The following DYNC1I1 variants were observed in gnomAD, a reference collection of about 807,000 sequenced individuals.
DYNC1I1 encodes cytoplasmic dynein 1 intermediate chain 1.
A neutral mutation model predicts 86.6 loss-of-function variants in DYNC1I1; 43 were observed. The observed-to-expected ratio is 0.50, with a 90% CI of 0.39 to 0.64. DYNC1I1 has a LOEUF of 0.64. DYNC1I1 is among the 30% of genes least tolerant of loss of function. DYNC1I1 has a pLI of 0.00. For missense variants in DYNC1I1, 604 were observed against 788.8 expected (o/e 0.77, Z 2.81); for synonymous variants, 262 against 283.7 (o/e 0.92, Z 0.77).
intron 12 of DYNC1I1, among the ~76,000 whole-genome samples, chr7:96,033,563 A>G (rs1794864064): frequency 6.6e-6 from 1 of 152,222 alleles, no homozygotes; most frequent in Non-Finnish European, 1.5e-5. Context: ...AGTCATTGTT[A>G]TAGACTTTGA....
At chr7:95,863,589 C>T (rs1789945731) in intron 5 of DYNC1I1, among the ~76,000 whole-genome samples, 1 of 152,188 alleles carries the variant, frequency 6.6e-6, no homozygotes, top group Non-Finnish European at 1.5e-5. Context: ...CTTTCATAAC[C>T]AGCTCCCCAT....
chr7:96,029,835 C>A (rs1794765298), intron 11 of DYNC1I1, among the ~76,000 whole-genome samples: 1 of 151,556 alleles, frequency 6.6e-6, no homozygotes, highest in Admixed American at 6.6e-5. Flanking sequence ...CGCTTGAAAC[C>A]AGGAGGCAGA....
At chr7:95,996,210 C>T in intron 10 of DYNC1I1, 137 bp downstream of exon 10, 2 of 1,293,524 alleles carry the variant, frequency 1.5e-6, no homozygotes, top group Non-Finnish European at 2.1e-6. Flanking sequence ...GAAAATTCCC[C>T]CACAGTAACC....
chr7:95,780,143 A>G (rs559585340), intron 1 of DYNC1I1, among the ~76,000 whole-genome samples: 1 of 152,268 alleles, frequency 6.6e-6, no homozygotes, highest in East Asian at 1.9e-4. Context: ...TTTTATTCTA[A>G]TGTCCAAAGT....
chr7:96,002,278 T>A (rs1450386194), intron 10 of DYNC1I1, among the ~76,000 whole-genome samples: 1 of 152,206 alleles, frequency 6.6e-6, no homozygotes, highest in Non-Finnish European at 1.5e-5. Context: ...GTTCTTTATA[T>A]TAAAATGCCA....
intron 11 of DYNC1I1, among the ~76,000 whole-genome samples, chr7:96,029,978 TTTG>T (rs555898210): frequency 9.2e-5 from 14 of 151,912 alleles, no homozygotes; most frequent in African/African-American, 1.4e-4. Flanking sequence ...CTTTTGCTGT[TTTG>T]TTGTTGTTGT....
At chr7:96,096,852 A>T (rs1285125039) in intron 16 of DYNC1I1, among the ~76,000 whole-genome samples, 1 of 152,104 alleles carries the variant, frequency 6.6e-6, no homozygotes, top group African/African-American at 2.4e-5. Context: ...TAGGAATGTG[A>T]GGCACAATAG....
At chr7:96,049,977 G>C (rs932240820) in intron 14 of DYNC1I1, among the ~76,000 whole-genome samples, 7 of 150,806 alleles carry the variant, frequency 4.6e-5, no homozygotes, top group Admixed American at 2.6e-4. Flanking sequence ...AGGTTGCAGT[G>C]AGCCGCTGCA....
chr7:95,953,847 C>T (rs1792626479), intron 6 of DYNC1I1, among the ~76,000 whole-genome samples: 1 of 152,146 alleles, frequency 6.6e-6, no homozygotes, highest in Non-Finnish European at 1.5e-5. Context: ...CTGAGATTTT[C>T]CTATTATAAA....
At chr7:95,805,782 T>C (rs1260094626) in intron 2 of DYNC1I1, among the ~76,000 whole-genome samples, 1 of 152,228 alleles carries the variant, frequency 6.6e-6, no homozygotes, top group Non-Finnish European at 1.5e-5. Context: ...TATGCTTTTG[T>C]GTATAGAAAC....
chr7:95,872,044 G>C (rs1215731847), intron 6 of DYNC1I1, among the ~76,000 whole-genome samples: 1 of 152,208 alleles, frequency 6.6e-6, no homozygotes, highest in African/African-American at 2.4e-5. Context: ...ACCCTTGGCT[G>C]CCGGCAGTCA....
At chr7:96,105,925 T>C (rs1337880618) in intron 16 of DYNC1I1, among the ~76,000 whole-genome samples, 2 of 152,218 alleles carry the variant, frequency 1.3e-5, no homozygotes, top group East Asian at 3.8e-4. Flanking sequence ...ATTTGTCAGA[T>C]GTATCCATAT....
At chr7:95,944,177 A>G (rs1430052553) in intron 6 of DYNC1I1, among the ~76,000 whole-genome samples, 1 of 152,238 alleles carries the variant, frequency 6.6e-6, no homozygotes, top group Non-Finnish European at 1.5e-5. Context: ...CAAATTTACA[A>G]GAAAAAAACA....
intron 4 of DYNC1I1, among the ~76,000 whole-genome samples, chr7:95,826,204 G>A (rs751633930): frequency 6.6e-6 from 1 of 152,166 alleles, no homozygotes; most frequent in African/African-American, 2.4e-5. Context: ...AGAAACACTC[G>A]CCAGTTAGTG....
intron 10 of DYNC1I1, among the ~76,000 whole-genome samples, chr7:96,027,339 A>T (rs1265609350): frequency 6.6e-6 from 1 of 152,220 alleles, no homozygotes; most frequent in Non-Finnish European, 1.5e-5. Flanking sequence ...GTACCGTAGG[A>T]ATCAAAATGG....
Position 95,988,204 on chromosome 7 carries a change from C to T in DYNC1I1, c.843+1049C>T, listed in dbSNP as rs369841565. 1.3e-3 allele frequency among the ~76,000 whole-genome samples: 204 copies of T among 152,170 alleles called. 1 individual carries two copies. The highest frequency in any genetic ancestry group is 2.2e-3 in the Admixed American group (34 of 15,278). The stretch of plus-strand genomic sequence containing the variant: ...CCAGCCTGGATAACATGGTGAAACC[C>T]CTTCTCTACTAAAAATGCAAAAAGT... On this transcript the variant is annotated intron_variant, in intron 9 of 16. Transcript: ENST00000447467.
chr7:95,947,509 C>A (rs528964308), intron 6 of DYNC1I1, among the ~76,000 whole-genome samples: 51 of 152,258 alleles, frequency 3.3e-4, no homozygotes, highest in African/African-American at 1.2e-3. Context: ...GAGCCCCCTG[C>A]TGCTGAGGCC....
chr7:95,821,212 C>T (rs1397020586), intron 4 of DYNC1I1, among the ~76,000 whole-genome samples: 3 of 152,150 alleles, frequency 2.0e-5, no homozygotes, highest in Admixed American at 1.3e-4. Context: ...AGATACTATA[C>T]TAGACTTTCA....
rs539212414 is a variant in DYNC1I1, at chr7:95,844,597, CG to C, written c.374+16487del. ...AAGGATAGTTTAGTGGGTCGGGCGG[CG>C]GGGGGTTAGAGGAATGGGTTCTTTT... On this transcript the variant is annotated intron_variant, in intron 5 of 16. Transcript: ENST00000447467. Among the ~76,000 whole-genome samples the C allele has an allele frequency of 6.7e-4, 102 of 151,612 alleles. 1 individual carries two copies. The South Asian group carries it at 0.01, about 16-fold the overall frequency.
Sources: gnomAD v4.1 joint callset for allele counts (sites outside exome capture counted in the v4.1 genomes callset) on GRCh38, gnomAD v4.1.1 for gene constraint, MANE v1.5 for transcripts, NCBI Gene and HGNC (gene_info 2026-07-23, HGNC 2026-07-21) for gene names.